Variants in SLC24A3 observed in about 807,000 individuals in gnomAD.
The protein encoded by SLC24A3 is solute carrier family 24 member 3.
Under a neutral mutation model 75.8 loss-of-function variants are expected in SLC24A3, and 28 were observed. The ratio of observed to expected loss-of-function variants is 0.37; its 90% CI spans 0.27 to 0.51. SLC24A3 has a LOEUF of 0.51. Among genes scored for constraint, SLC24A3 ranks in the 20% least tolerant of loss-of-function variants. The pLI is 0.94. For synonymous variants in SLC24A3, 372 were observed against 334.1 expected (o/e 1.11, Z -1.24); for missense variants, 663 against 847.8 (o/e 0.78, Z 2.71).
intron 1 of SLC24A3, among the ~76,000 whole-genome samples, chr20:19,233,133 C>T (rs539545245): frequency 1.8e-4 from 28 of 152,274 alleles, no homozygotes; most frequent in African/African-American, 6.5e-4. Flanking sequence ...GATAACAAAG[C>T]AAGAAGGAAA....
At chr20:19,315,626 G>A (rs1326872898) in intron 2 of SLC24A3, among the ~76,000 whole-genome samples, 1 of 152,166 alleles carries the variant, frequency 6.6e-6, no homozygotes, top group Non-Finnish European at 1.5e-5. Flanking sequence ...ATGGAAGCGT[G>A]CACTGCTGTG....
At chr20:19,349,308 T>C (rs1298232884) in intron 2 of SLC24A3, among the ~76,000 whole-genome samples, 2 of 152,200 alleles carry the variant, frequency 1.3e-5, no homozygotes, top group African/African-American at 2.4e-5. Flanking sequence ...TCAGCCACAC[T>C]AGCTGAGTGT....
chr20:19,394,058 A>G (rs1304153498), intron 2 of SLC24A3, among the ~76,000 whole-genome samples: 2 of 152,182 alleles, frequency 1.3e-5, no homozygotes, highest in African/African-American at 4.8e-5. Flanking sequence ...ACCCTCACAT[A>G]TGTGGTCAAA....
intron 2 of SLC24A3, among the ~76,000 whole-genome samples, chr20:19,457,291 C>T (rs912112886): frequency 1.3e-5 from 2 of 152,156 alleles, no homozygotes; most frequent in South Asian, 4.1e-4. Flanking sequence ...TGCTGCATAA[C>T]CTGGGGCAAA....
chr20:19,500,646 A>AAAC (rs1421119284), intron 2 of SLC24A3, among the ~76,000 whole-genome samples: 10 of 152,222 alleles, frequency 6.6e-5, no homozygotes, highest in Non-Finnish European at 1.5e-4. Context: ...ATATATGAGA[A>AAAC]AACATCAAAG....
At chr20:19,658,284 AAT>A (rs35537695) in intron 7 of SLC24A3, among the ~76,000 whole-genome samples, 28,683 of 152,038 alleles carry the variant, frequency 0.19, 3,151 homozygotes, top group Non-Finnish European at 0.25. Context: ...GGAAAGCGCC[AAT>A]AGAGTCCTTA....
intron 2 of SLC24A3, among the ~76,000 whole-genome samples, chr20:19,426,413 GT>G (rs1025455798): frequency 7.2e-5 from 11 of 152,126 alleles, no homozygotes; most frequent in Non-Finnish European, 1.2e-4. Flanking sequence ...ATTATTTGTG[GT>G]TAGATTCAAT....
chr20:19,608,551 CA>C (rs2122660473), intron 6 of SLC24A3, among the ~76,000 whole-genome samples: 1 of 152,320 alleles, frequency 6.6e-6, no homozygotes, highest in East Asian at 1.9e-4. Context: ...CTTTTCTTTG[CA>C]GATTAGCAAT....
At chr20:19,354,648 A>G (rs986279821) in intron 2 of SLC24A3, among the ~76,000 whole-genome samples, 1 of 151,652 alleles carries the variant, frequency 6.6e-6, no homozygotes, top group Non-Finnish European at 1.5e-5. Context: ...CAGTAAGCTC[A>G]TAGAATGATG....
intron 2 of SLC24A3, among the ~76,000 whole-genome samples, chr20:19,441,611 T>G (rs912532629): frequency 6.6e-6 from 1 of 152,232 alleles, no homozygotes; most frequent in Admixed American, 6.5e-5. Flanking sequence ...TACCCCCGTT[T>G]TCCCTGTTAA....
intron 2 of SLC24A3, among the ~76,000 whole-genome samples, chr20:19,501,500 T>G (rs1988384226): frequency 6.6e-6 from 1 of 152,222 alleles, no homozygotes; most frequent in Non-Finnish European, 1.5e-5. Context: ...ACATGGGACA[T>G]CAAAATCTGA....
chr20:19,236,149 A>G (rs73124828), intron 1 of SLC24A3, among the ~76,000 whole-genome samples: 2,814 of 152,320 alleles, frequency 0.018, 32 homozygotes, highest in Middle Eastern at 0.034. Flanking sequence ...TCTGTTGGTA[A>G]CATATGGGTC....
At chr20:19,263,907 A>G (rs989437665) in intron 1 of SLC24A3, among the ~76,000 whole-genome samples, 48 of 152,150 alleles carry the variant, frequency 3.2e-4, no homozygotes, top group African/African-American at 9.7e-4. Context: ...TCTGGTGTCA[A>G]GTTCCAATGG....
At chr20:19,338,778 G>A (rs113691492) in intron 2 of SLC24A3, among the ~76,000 whole-genome samples, 90 of 152,260 alleles carry the variant, frequency 5.9e-4, no homozygotes, top group African/African-American at 2.0e-3. Flanking sequence ...ATGGGGCTGC[G>A]AAAATTGCAT....
At chr20:19,569,335 T>C (rs2031012696) in intron 3 of SLC24A3, among the ~76,000 whole-genome samples, 1 of 152,220 alleles carries the variant, frequency 6.6e-6, no homozygotes, top group Non-Finnish European at 1.5e-5. Flanking sequence ...ACATCGGCAG[T>C]GAGGGCAAGG....
Position 19,575,351 on chromosome 20 carries a change from G to C in SLC24A3, c.349-4649G>C, listed in dbSNP as rs184553506. On this transcript the variant is annotated intron_variant, in intron 3 of 16. Transcript: ENST00000328041. ...TTCATATATAGAGAGCCCATGCTTG[G>C]GAGGGGTGGATATTAATATGTGAGG... is the stretch of plus-strand genomic sequence containing the variant. 9.9e-5 allele frequency among the ~76,000 whole-genome samples: 15 copies of C among 152,066 alleles called. No individual in the cohort carries two copies. In the East Asian group the frequency reaches 2.9e-3, roughly 29 times the overall value.
rs116998103 is a variant in SLC24A3 at position 19,509,949 on chromosome 20, G to A, written c.272-5539G>A. On this transcript the variant is annotated intron_variant, in intron 2 of 16. Transcript: ENST00000328041. The stretch of plus-strand genomic sequence containing the variant: ...ATTGAGGACACTTTTCTTGACTCCA[G>A]GCTGACCCCTTCCTTAGGAAGATTA... 7.2e-5 allele frequency among the ~76,000 whole-genome samples: 11 copies of A among 152,346 alleles called. No homozygotes were observed. In the East Asian group the frequency reaches 2.1e-3, roughly 29 times the overall value.
chr20:19,635,526 A>G (rs1043269853), intron 6 of SLC24A3, among the ~76,000 whole-genome samples: 4 of 152,246 alleles, frequency 2.6e-5, no homozygotes, highest in African/African-American at 7.2e-5. Flanking sequence ...CAACCACCAC[A>G]TAATTCTTCT....
At chr20:19,612,070 C>T (rs569581096) in intron 6 of SLC24A3, among the ~76,000 whole-genome samples, 2 of 152,300 alleles carry the variant, frequency 1.3e-5, no homozygotes, top group South Asian at 2.1e-4. Context: ...ACCTTCTGTG[C>T]GCTGATGAGG....
Sources: gnomAD v4.1 joint callset for allele counts (sites outside exome capture counted in the v4.1 genomes callset) on GRCh38, gnomAD v4.1.1 for gene constraint, MANE v1.5 for transcripts, NCBI Gene and HGNC (gene_info 2026-07-23, HGNC 2026-07-21) for gene names.